Variants in CCDC148 observed in about 807,000 individuals in gnomAD.
The protein encoded by CCDC148 is coiled-coil domain-containing protein 148.
In CCDC148, 89 loss-of-function variants were observed where a neutral mutation model predicts 85.7. The observed-to-expected ratio is 1.04, with a 90% confidence interval of 0.87 to 1.24. The LOEUF is 1.24. Among genes scored for constraint, CCDC148 ranks in the 50% most tolerant of loss-of-function variants. The pLI is 0.00. For synonymous variants in CCDC148, 230 were observed against 213.9 expected, an observed-to-expected ratio of 1.08 and a Z score of -0.66; for missense variants, 692 against 671.7, an observed-to-expected ratio of 1.03 and a Z score of -0.33.
chr2:158,428,857 T>C (rs1159083507), intron 1 of CCDC148, among the ~76,000 whole-genome samples: 1 of 152,082 alleles, frequency 6.6e-6, no homozygotes, highest in South Asian at 2.1e-4. Flanking sequence ...TGCAGCACTA[T>C]TCACAATAGC....
chr2:158,295,867 C>G (rs1003888023), intron 9 of CCDC148, among the ~76,000 whole-genome samples: 2 of 151,770 alleles, frequency 1.3e-5, no homozygotes, highest in Non-Finnish European at 2.9e-5. Flanking sequence ...GTTGGAAGTT[C>G]TGGCCAGGGC....
At chr2:158,436,277 C>A (rs1687647063) in intron 1 of CCDC148, among the ~76,000 whole-genome samples, 1 of 152,216 alleles carries the variant, frequency 6.6e-6, no homozygotes, top group Admixed American at 6.5e-5. Flanking sequence ...AACAAACTGT[C>A]TCTCGGACCA....
In CCDC148 at chr2:158,455,988, A is replaced by G. The variant is rs528289265; in HGVS notation, c.25+427T>C. Among the ~76,000 whole-genome samples the G allele has an allele frequency of 3.3e-5, 5 of 152,362 alleles. 1 individual carries two copies. The South Asian group carries it at 1.0e-3, about 32-fold the overall frequency. ...ATCCATTTCCCTTACTCTTTTGTGAAATCATCACAAGGTGTGAAGGATTGT... is the reference window on the plus strand; with the variant it reads ...ATCCATTTCCCTTACTCTTTTGTGAGATCATCACAAGGTGTGAAGGATTGT... On this transcript the variant is annotated intron_variant, in intron 1 of 13. Coordinates refer to ENST00000283233, the MANE Select transcript of CCDC148 (RefSeq NM_138803.4).
intron 1 of CCDC148, among the ~76,000 whole-genome samples, chr2:158,420,574 G>C (rs1686726021): frequency 6.6e-6 from 1 of 152,038 alleles, no homozygotes; most frequent in Non-Finnish European, 1.5e-5. Context: ...CCTTACAAGA[G>C]CTCCCAAAGG....
At chr2:158,352,752 G>C (rs1683389409) in intron 2 of CCDC148, among the ~76,000 whole-genome samples, 2 of 151,532 alleles carry the variant, frequency 1.3e-5, no homozygotes, top group South Asian at 4.2e-4. Context: ...CTCGAGAAGA[G>C]CAACTCCAAG....
At chr2:158,440,852 T>C (rs1030179361) in intron 1 of CCDC148, among the ~76,000 whole-genome samples, 1 of 152,160 alleles carries the variant, frequency 6.6e-6, no homozygotes, top group South Asian at 2.1e-4. Context: ...AGACTGTTCA[T>C]GTATTTTTGT....
At chr2:158,290,846 T>A (rs548974916) in intron 9 of CCDC148, among the ~76,000 whole-genome samples, 190 of 152,356 alleles carry the variant, frequency 1.2e-3, no homozygotes, top group Non-Finnish European at 2.2e-3. Context: ...GTTGGATTAA[T>A]GAATCTATCC....
chr2:158,453,174 A>G (rs980694655), intron 1 of CCDC148, among the ~76,000 whole-genome samples: 1 of 152,234 alleles, frequency 6.6e-6, no homozygotes, highest in Non-Finnish European at 1.5e-5. Flanking sequence ...CACAATCATG[A>G]TCATGATGTG....
chr2:158,197,768 T>C (rs1238677634), intron 11 of CCDC148, among the ~76,000 whole-genome samples: 2 of 152,152 alleles, frequency 1.3e-5, no homozygotes, highest in Non-Finnish European at 2.9e-5. Context: ...TAATGATAGA[T>C]ACAGTTTCTA....
intron 1 of CCDC148, among the ~76,000 whole-genome samples, chr2:158,400,831 G>A (rs1212076987): frequency 1.3e-5 from 2 of 152,162 alleles, no homozygotes; most frequent in Non-Finnish European, 2.9e-5. Context: ...CTAATATCCA[G>A]AAGCTACAAA....
chr2:158,327,354 G>A (rs568021018), intron 7 of CCDC148, among the ~76,000 whole-genome samples: 45 of 152,160 alleles, frequency 3.0e-4, no homozygotes, highest in African/African-American at 1.1e-3. Flanking sequence ...AACTCTTTAA[G>A]CAAAAAATAG....
chr2:158,281,966 G>C lies in CCDC148; in HGVS notation c.1110+27467C>G, dbSNP rs9750948. ...GCTTCATCCCTGGGATGCAAGGCTG[G>C]TTCAATATACACAAATCAATAAATG... On this transcript the variant is annotated intron_variant, in intron 9 of 13. Coordinates refer to ENST00000283233, the MANE Select transcript of CCDC148 (RefSeq NM_138803.4). Among the ~76,000 whole-genome samples the C allele has an allele frequency of 4.9e-3, 737 of 151,940 alleles. 2 individuals are homozygous for C. Among genetic ancestry groups the C allele is most frequent in the African/African-American group, 0.016 (667 of 41,464 alleles).
At chr2:158,253,232 G>C (rs186954786) in intron 9 of CCDC148, among the ~76,000 whole-genome samples, 177 of 151,824 alleles carry the variant, frequency 1.2e-3, no homozygotes, top group Non-Finnish European at 2.2e-3. Context: ...AGTTCAAAAG[G>C]ATGATGTCAA....
At chr2:158,379,794 CATA>C (rs1299756600) in intron 1 of CCDC148, among the ~76,000 whole-genome samples, 1 of 152,126 alleles carries the variant, frequency 6.6e-6, no homozygotes, top group African/African-American at 2.4e-5. Context: ...ATTTTTTAGA[CATA>C]ATGCTATTGC....
At chr2:158,436,352 C>G (rs1302334464) in intron 1 of CCDC148, among the ~76,000 whole-genome samples, 1 of 152,192 alleles carries the variant, frequency 6.6e-6, no homozygotes, top group Non-Finnish European at 1.5e-5. Context: ...TACATGGAAA[C>G]TGAACAACCT....
chr2:158,439,490 G>A (rs112801291), intron 1 of CCDC148, among the ~76,000 whole-genome samples: 4,151 of 152,158 alleles, frequency 0.027, 77 homozygotes, highest in Middle Eastern at 0.1. Flanking sequence ...GTGGCGGCAG[G>A]GGGGAGAGAT....
intron 11 of CCDC148, among the ~76,000 whole-genome samples, chr2:158,218,605 A>G (rs898058875): frequency 1.4e-4 from 21 of 152,170 alleles, no homozygotes; most frequent in African/African-American, 4.1e-4. Context: ...CTGGAACTAC[A>G]TATCTGTTCT....
intron 9 of CCDC148, among the ~76,000 whole-genome samples, chr2:158,286,897 G>T (rs1690653076): frequency 6.6e-6 from 1 of 152,066 alleles, no homozygotes; most frequent in Non-Finnish European, 1.5e-5. Context: ...AAAGGAAAAT[G>T]GATTCATGAC....
intron 10 of CCDC148, among the ~76,000 whole-genome samples, chr2:158,244,520 G>T (rs1009260140): frequency 2.6e-5 from 4 of 151,988 alleles, no homozygotes; most frequent in Admixed American, 2.6e-4. Context: ...CCATTTCCTT[G>T]CTGGCCATCA....
Sources: gnomAD v4.1 joint callset for allele counts (sites outside exome capture counted in the v4.1 genomes callset) on GRCh38, gnomAD v4.1.1 for gene constraint, MANE v1.5 for transcripts, NCBI Gene and HGNC (gene_info 2026-07-23, HGNC 2026-07-21) for gene names.